SLC38A6: variants seen among roughly 807,000 people sequenced by gnomAD.
SLC38A6 encodes solute carrier family 38 member 6.
Under a neutral mutation model 65.0 loss-of-function variants are expected in SLC38A6, and 73 were observed. That is an observed-to-expected ratio of 1.12 (90% confidence interval 0.93 to 1.37). SLC38A6 has a LOEUF of 1.37. SLC38A6 is among the 40% of genes most tolerant of loss of function. The pLI is 0.00. For synonymous variants in SLC38A6, 183 were observed against 178.8 expected (o/e 1.02, Z -0.19); for missense variants, 561 against 531.1 (o/e 1.06, Z -0.55).
At chr14:61,038,151 T>C (rs957155013) in intron 8 of SLC38A6, among the ~76,000 whole-genome samples, 2 of 152,130 alleles carry the variant, frequency 1.3e-5, no homozygotes, top group Non-Finnish European at 2.9e-5. Flanking sequence ...TTTTGTCTGG[T>C]TTATTCAGCA....
intron 3 of SLC38A6, among the ~76,000 whole-genome samples, chr14:60,992,185 T>G (rs1489836723): frequency 6.6e-6 from 1 of 152,210 alleles, no homozygotes; most frequent in East Asian, 1.9e-4. Context: ...GGTTGACGAC[T>G]CTCATCCATG....
At chr14:61,012,466 T>C (rs886530116) in intron 3 of SLC38A6, among the ~76,000 whole-genome samples, 1 of 152,182 alleles carries the variant, frequency 6.6e-6, no homozygotes, top group South Asian at 2.1e-4. Context: ...AGTTCTTTTA[T>C]TGTGATGTTA....
intron 5 of SLC38A6, among the ~76,000 whole-genome samples, 200 bp from the exon 6 acceptor site, chr14:61,030,245 T>C (rs1422668460): frequency 6.7e-6 from 1 of 148,172 alleles, no homozygotes; most frequent in African/African-American, 2.5e-5. Context: ...ATTGTTATTC[T>C]TCTCTACAGT....
intron 15 of SLC38A6, among the ~76,000 whole-genome samples, chr14:61,071,233 T>C (rs988594370): frequency 2.6e-5 from 4 of 152,220 alleles, no homozygotes; most frequent in African/African-American, 4.8e-5. Flanking sequence ...TGCAATTTTA[T>C]ATAATGCTTC....
intron 3 of SLC38A6, among the ~76,000 whole-genome samples, chr14:60,986,401 G>A (rs966369701): frequency 6.6e-6 from 1 of 152,198 alleles, no homozygotes. Context: ...GCCAGCCAGT[G>A]CCAGATATGT....
At chr14:61,054,014 AT>A (rs574842888), downstream of SLC38A6, among the ~76,000 whole-genome samples, 4 of 152,206 alleles carry the variant, frequency 2.6e-5, no homozygotes, top group East Asian at 7.7e-4. Context: ...TGGGTTTTAC[AT>A]TTAAGTCTTT....
At chr14:60,995,246 A>T (rs113173545) in intron 3 of SLC38A6, among the ~76,000 whole-genome samples, 1 of 152,336 alleles carries the variant, frequency 6.6e-6, no homozygotes, top group African/African-American at 2.4e-5. Flanking sequence ...GTAAGTGAGT[A>T]TATAAAAAAT....
chr14:61,083,410 A>C, intron 16 of SLC38A6: 3 of 1,270,022 alleles, frequency 2.4e-6, no homozygotes, highest in Non-Finnish European at 3.2e-6. Context: ...ATTGTGTTCC[A>C]ACCCCAAATT....
intron 5 of SLC38A6, among the ~76,000 whole-genome samples, chr14:61,023,103 C>T (rs574453118): frequency 2.4e-4 from 36 of 152,192 alleles, no homozygotes; most frequent in South Asian, 1.7e-3. Context: ...TTTTAAAGTT[C>T]TGCTTAAAAG....
chr14:61,052,575 A>G lies in SLC38A6; in HGVS notation c.*146A>G. On this transcript the variant is annotated 3_prime_UTR_variant, in exon 16 of 16. Coordinates refer to ENST00000267488, the MANE Select transcript of SLC38A6 (RefSeq NM_153811.3). The stretch of plus-strand genomic sequence containing the variant: ...AACAAAATGGCAGTGGGTATGGGGA[A>G]GTAAGAGTGTGGCAGTTTTAATCAA... The G allele has an allele frequency of 8.4e-7, 1 of 1,184,908 alleles. No homozygotes were observed. The highest frequency in any genetic ancestry group is 1.1e-6 in the Non-Finnish European group (1 of 905,560). The allele number at this position is 1,184,908 out of a possible 1,614,324, so 73.4% of individuals were successfully genotyped here.
At chr14:61,037,275 T>A in intron 7 of SLC38A6, 134 bp downstream of exon 7, 1 of 660,990 alleles carries the variant, frequency 1.5e-6, no homozygotes, top group South Asian at 2.1e-5. Context: ...TTGTGTATAA[T>A]TTTAAACTTG....
rs566594851 is a variant in SLC38A6, at chr14:61,075,701, A to G, written c.1291-3109A>G. Reference sequence around the variant, plus strand: ...ATTTCTAACATTTCCCCTTACGGTCATCTTGCTAGGTTCTCTGTAACAAAG... The same window carrying G: ...ATTTCTAACATTTCCCCTTACGGTCGTCTTGCTAGGTTCTCTGTAACAAAG... On this transcript the variant is annotated intron_variant, in intron 15 of 16. Coordinates refer to the SLC38A6 transcript ENST00000354886. 5.9e-5 allele frequency among the ~76,000 whole-genome samples: 9 copies of G among 151,918 alleles called. No homozygotes were observed. The East Asian group carries it at 1.5e-3, about 26-fold the overall frequency.
chr14:61,027,759 A>G (rs1417515306), intron 5 of SLC38A6, among the ~76,000 whole-genome samples: 1 of 152,008 alleles, frequency 6.6e-6, no homozygotes, highest in African/African-American at 2.4e-5. Context: ...TAGTTCTTAC[A>G]TGAAAGTTTA....
intron 15 of SLC38A6, among the ~76,000 whole-genome samples, chr14:61,070,384 AT>A (rs1359254546): frequency 2.6e-5 from 4 of 152,166 alleles, no homozygotes; most frequent in Non-Finnish European, 5.9e-5. Flanking sequence ...ACATGGAAGA[AT>A]TTTCTTCATT....
chr14:61,001,886 T>C (rs2038733814), intron 3 of SLC38A6: 1 of 152,212 alleles, frequency 6.6e-6, no homozygotes, highest in Non-Finnish European at 1.5e-5. Flanking sequence ...CTTTTTATCT[T>C]CTGCCTTTAT....
At position 60,992,504 on chromosome 14, in the gene SLC38A6, C is replaced by T. The variant is rs193098154; in HGVS notation, c.310+7701C>T. Among the ~76,000 whole-genome samples, 559 of 152,168 alleles carry T rather than the reference C, an allele frequency of 3.7e-3. 1 individual carries two copies. Among genetic ancestry groups the T allele is most frequent in the Admixed American group, 7.5e-3 (114 of 15,288 alleles). ...GGATTACAGTAGAGTTAAATCATAA[C>T]AGGTATTTAAGTTCATGTCATTTTA... On this transcript the variant is annotated intron_variant, in intron 3 of 15. Coordinates refer to ENST00000267488, the MANE Select transcript of SLC38A6 (RefSeq NM_153811.3).
intron 3 of SLC38A6, among the ~76,000 whole-genome samples, chr14:60,993,957 A>T (rs137997885): frequency 6.6e-6 from 1 of 152,242 alleles, no homozygotes; most frequent in Non-Finnish European, 1.5e-5. Flanking sequence ...AGGATGTGGG[A>T]CAACAGGAAC....
chr14:61,013,511 A>T (rs1012080680), intron 3 of SLC38A6, among the ~76,000 whole-genome samples: 16 of 152,210 alleles, frequency 1.1e-4, no homozygotes, highest in African/African-American at 3.9e-4. Flanking sequence ...ATGTTTTTGC[A>T]GTGACTGGTA....
Position 60,984,738 on chromosome 14 carries a change from T to A in SLC38A6, c.245T>A (p.Leu82Gln). 6 of 1,614,018 alleles carry A rather than the reference T, an allele frequency of 3.7e-6. No individual in the cohort carries two copies. Among genetic ancestry groups the A allele is most frequent in the Non-Finnish European group, 2.5e-6 (3 of 1,179,924 alleles). ...GTTCTTTTATGTTTTAGCTTCTTGC[T>A]GCTGACAGTTGCTCTCCTGGCTTCT... ...NTGVFGFSFL[L>Q]LTVALLASYS... The change falls in exon 3 of 16, where the codon CTG becomes CAG. Residue 82 changes from leucine (L) to glutamine (Q), a missense_variant. Physicochemically the swap from Leu to Gln is moderately radical, Grantham distance 113. Coordinates refer to ENST00000267488, the MANE Select transcript of SLC38A6 (RefSeq NM_153811.3).
Sources: gnomAD v4.1 joint callset for allele counts (sites outside exome capture counted in the v4.1 genomes callset) on GRCh38, gnomAD v4.1.1 for gene constraint, MANE v1.5 for transcripts, NCBI Gene and HGNC (gene_info 2026-07-23, HGNC 2026-07-21) for gene names.